WASHC2C: variants seen among roughly 807,000 people sequenced by gnomAD.
WASHC2C encodes the protein Vaccinia Penetration Factor.
A neutral mutation model predicts 142.2 loss-of-function variants in WASHC2C; 73 were observed. That is an observed-to-expected ratio of 0.51 (90% CI 0.43 to 0.62). The LOEUF is 0.62. Among genes scored for constraint, WASHC2C ranks in the 20% least tolerant of loss-of-function variants. The pLI is 0.00. For missense variants in WASHC2C, 969 were observed against 1,531.7 expected (o/e 0.63, Z 6.13); for synonymous variants, 337 against 565.5 (o/e 0.60, Z 5.73).
intron 17 of WASHC2C, among the ~76,000 whole-genome samples, 169 bp downstream of exon 17, chr10:45,759,570 A>T (rs1279474806): frequency 2.6e-5 from 4 of 152,212 alleles, no homozygotes; most frequent in South Asian, 2.1e-4. Context: ...CTGTAATCCC[A>T]GCACTTTGGT....
chr10:45,773,672 G>A (rs1225914041), intron 21 of WASHC2C, among the ~76,000 whole-genome samples: 1 of 152,204 alleles, frequency 6.6e-6, no homozygotes, highest in Non-Finnish European at 1.5e-5. Flanking sequence ...TTATGAGTGT[G>A]TGTCGAGTAC....
In WASHC2C at chr10:45,789,168, C is replaced by T. The variant is rs1176399130; in HGVS notation, c.3385C>T (p.Leu1129Phe). Residue 1129 changes from leucine to phenylalanine, a missense_variant, in exon 29 of 31, where the codon CTT (leucine) becomes TTT (phenylalanine). Leu to Phe is a conservative substitution (Grantham distance 22, BLOSUM62 0). Coordinates refer to ENST00000623400, the MANE Select transcript of WASHC2C (RefSeq NM_001330074.2). ...SLGHSRGEAD[L>F]FDSGDIFSTG... Reference sequence around the variant, plus strand: ...GGGTCATTCCAGAGGGGAGGCTGACCTTTTTGATTCTGGGGACATTTTTTC... The same window carrying T: ...GGGTCATTCCAGAGGGGAGGCTGACTTTTTTGATTCTGGGGACATTTTTTC... The T allele has an allele frequency of 6.2e-7, 1 of 1,612,056 alleles. No homozygotes were observed. Among genetic ancestry groups the T allele is most frequent in the Non-Finnish European group, 8.5e-7 (1 of 1,179,858 alleles).
chr10:45,780,492 G>A (rs2057409972), intron 23 of WASHC2C, among the ~76,000 whole-genome samples: 3 of 152,022 alleles, frequency 2.0e-5, no homozygotes. Context: ...CCTTGTACTG[G>A]GGATTCTAAG....
intron 23 of WASHC2C, among the ~76,000 whole-genome samples, chr10:45,784,240 A>ATGTG (rs1190490955): frequency 5.5e-4 from 60 of 109,844 alleles, no homozygotes; most frequent in African/African-American, 1.2e-3. Flanking sequence ...ATATATATAT[A>ATGTG]TGTGTGTGTG....
chr10:45,754,092 A>G (rs1289336651), intron 13 of WASHC2C, among the ~76,000 whole-genome samples: 2 of 151,742 alleles, frequency 1.3e-5, no homozygotes, highest in Non-Finnish European at 2.9e-5. Flanking sequence ...GATGACTCAC[A>G]TGTTTTTGCG....
At chr10:45,768,704 T>G (rs1208864224) in intron 19 of WASHC2C, among the ~76,000 whole-genome samples, 8 of 152,210 alleles carry the variant, frequency 5.3e-5, no homozygotes, top group Non-Finnish European at 1.2e-4. Context: ...TGTTCACATG[T>G]GTGTTGCGTG....
At chr10:45,728,564 C>T (rs1228900208) in intron 2 of WASHC2C, among the ~76,000 whole-genome samples, 2 of 151,464 alleles carry the variant, frequency 1.3e-5, no homozygotes, top group Non-Finnish European at 3.0e-5. Context: ...TGGTGAAACC[C>T]CGTCTCTACT....
At chr10:45,736,361 G>A (rs1382528071) in intron 3 of WASHC2C, among the ~76,000 whole-genome samples, 10 of 116,170 alleles carry the variant, frequency 8.6e-5, no homozygotes, top group East Asian at 6.1e-4. Context: ...AGCCGAGATC[G>A]CACCACTGCA....
chr10:45,753,370 C>A lies in WASHC2C; in HGVS notation c.1180+133C>A, dbSNP rs1241718753. On this transcript the variant is annotated intron_variant, in intron 13 of 30. Transcript: ENST00000623400. ...AAGAAGCTGTTGTTTTTACTGCGGT[C>A]CAGTTGAAAGTAATTCATCTTCACT... The A allele has an allele frequency of 2.0e-5, 19 of 965,614 alleles. 1 individual carries two copies. The highest frequency in any genetic ancestry group is 2.8e-5 in the Admixed American group (1 of 35,744). 59.8% of individuals were successfully genotyped at this position (965,614 alleles called of 1,614,324 possible).
At chr10:45,757,922 T>G (rs571203102) in intron 16 of WASHC2C, among the ~76,000 whole-genome samples, 1 of 152,382 alleles carries the variant, frequency 6.6e-6, no homozygotes, top group Non-Finnish European at 1.5e-5. Context: ...CAGCCCAGGG[T>G]TGGGGACCCC....
intron 10 of WASHC2C, 72 bp downstream of exon 10, chr10:45,750,910 C>T (rs1358340269): frequency 9.3e-6 from 13 of 1,394,076 alleles, no homozygotes; most frequent in African/African-American, 6.1e-5. Context: ...TCACCAAAGG[C>T]GGATTTCTCT....
In WASHC2C at chr10:45,789,204, G is replaced by A. The variant is rs2058254969; in HGVS notation, c.3421G>A (p.Gly1141Arg). ...DSGDIFSTGT[G>R]SQSVERTKPK... Reference sequence around the variant, plus strand: ...TGGGGACATTTTTTCCACGGGCACTGGATCTCAGTCCGTGGAGAGAACAAA... The same window carrying A: ...TGGGGACATTTTTTCCACGGGCACTAGATCTCAGTCCGTGGAGAGAACAAA... The change falls in exon 29 of 31, where the codon GGA becomes AGA. Residue 1141 changes from glycine to arginine, a missense_variant. By Grantham distance (125) the Gly-to-Arg change is moderately radical. Transcript: ENST00000623400. 3 of 1,612,068 alleles carry A rather than the reference G, an allele frequency of 1.9e-6. No individual in the cohort carries two copies. Among genetic ancestry groups the A allele is most frequent in the Non-Finnish European group, 8.5e-7 (1 of 1,179,874 alleles).
intron 29 of WASHC2C, among the ~76,000 whole-genome samples, chr10:45,789,764 A>C (rs1414910949): frequency 6.6e-6 from 1 of 152,274 alleles, no homozygotes; most frequent in Non-Finnish European, 1.5e-5. Context: ...ATTTTTATAG[A>C]ATATTGTTGT....
chr10:45,751,047 C>T (rs1403546117), intron 10 of WASHC2C, among the ~76,000 whole-genome samples: 5 of 152,214 alleles, frequency 3.3e-5, no homozygotes, highest in South Asian at 2.1e-4. Flanking sequence ...ACAAGAAAAA[C>T]GTACATGTAC....
At position 45,777,294 on chromosome 10, in the gene WASHC2C, G is replaced by A. The variant is rs2057176562; in HGVS notation, c.2164G>A (p.Ala722Thr). 6.2e-7 allele frequency: 1 copy of A among 1,600,024 alleles called. No homozygotes were observed. The change falls in exon 22 of 31, where the codon GCA (alanine) becomes ACA (threonine). Residue 722 changes from alanine (A) to threonine (T), a missense_variant. Coordinates refer to ENST00000623400, the MANE Select transcript of WASHC2C (RefSeq NM_001330074.2). ...GTAGAAAAAAGAGACTGTCTCTGAG[G>A]CACCACCTTTGCTGTTCAGCGATGA... The part of the protein sequence containing the change: ...ATKKKETVSE[A>T]PPLLFSDEEE...
chr10:45,754,961 C>G lies in WASHC2C; in HGVS notation c.1266C>G (p.Ala422=). The G allele has an allele frequency of 3.7e-6, 6 of 1,612,016 alleles. No homozygotes were observed. The highest frequency in any genetic ancestry group is 5.1e-6 in the Non-Finnish European group (6 of 1,179,868). Residue 422 remains alanine, a synonymous_variant, in exon 15 of 31, where the codon GCC becomes GCG. Transcript: ENST00000623400. ...FLGDTDVFGA[A]SVPSLKEPQK... ...GAGACACGGATGTGTTTGGTGCTGC[C>G]TCCGTTCCATCACTGAAGGAGCCAC...
rs1468205063 is a variant in WASHC2C, at chr10:45,727,439, A to G, written c.26A>G (p.Gln9Arg). 1.9e-6 allele frequency: 3 copies of G among 1,611,390 alleles called. No individual in the cohort carries two copies. The highest frequency in any genetic ancestry group is 3.3e-5 in the Admixed American group (2 of 59,962). Residue 9 changes from glutamine to arginine, a missense_variant, in exon 2 of 31, where the codon CAG (glutamine) becomes CGG (arginine). Coordinates refer to ENST00000623400, the MANE Select transcript of WASHC2C (RefSeq NM_001330074.2). ...CAGATGAACCGGACGACCCCCGACC[A>G]GGAGCTGGTGCCGGCGTCGGAGCCC... The part of the protein sequence containing the change: MMNRTTPD[Q>R]ELVPASEPVW...
Position 45,755,010 on chromosome 10 carries a change from A to C in WASHC2C, c.1315A>C (p.Arg439=), listed in dbSNP as rs2054064353. The part of the protein sequence containing the change: ...EPQKPEQPTP[R]KSPYGPPPTG... ...ACAGAAGCCTGAGCAGCCCACTCCA[A>C]GGAAAAGCCCCTATGGTCCCCCTCC... is the stretch of plus-strand genomic sequence containing the variant. Residue 439 remains arginine, a synonymous_variant, in exon 15 of 31, where the codon AGG becomes CGG. Transcript: ENST00000623400. The C allele has an allele frequency of 6.2e-7, 1 of 1,611,866 alleles. No homozygotes were observed. The highest frequency in any genetic ancestry group is 1.7e-5 in the Admixed American group (1 of 59,990).
At chr10:45,757,179 G>T (rs1451386884) in intron 16 of WASHC2C, 40 bp downstream of exon 16, 70 of 1,610,746 alleles carry the variant, frequency 4.3e-5, no homozygotes, top group Non-Finnish European at 5.9e-5. Context: ...GCATTGATCT[G>T]CAGCATTTTA....
Sources: gnomAD v4.1 joint callset for allele counts (sites outside exome capture counted in the v4.1 genomes callset) on GRCh38, gnomAD v4.1.1 for gene constraint, MANE v1.5 for transcripts, NCBI Gene and HGNC (gene_info 2026-07-23, HGNC 2026-07-21) for gene names.